The following AGO2 variants were observed in gnomAD, a reference collection of about 807,000 sequenced individuals.
AGO2 encodes the protein argonaute RISC catalytic component 2.
AGO2 carries 5 observed loss-of-function variants against 102.3 expected under a neutral mutation model. The ratio of observed to expected loss-of-function variants is 0.05; its 90% confidence interval spans 0.03 to 0.10. The LOEUF (loss-of-function observed/expected upper bound fraction) is 0.10, where lower values mean the gene tolerates loss of function less well. AGO2 is among the 10% of genes least tolerant of loss of function. The probability of loss-of-function intolerance (pLI) is 1.00; values close to 1 mark genes in which losing one functional copy is unlikely to be tolerated. For synonymous variants in AGO2, 449 were observed against 473.1 expected (o/e 0.95, Z 0.66); for missense variants, 541 against 1,183.7 (o/e 0.46, Z 7.97).
intron 2 of AGO2, among the ~76,000 whole-genome samples, chr8:140,582,445 G>A (rs1281164870): frequency 2.6e-5 from 4 of 152,002 alleles, no homozygotes; most frequent in African/African-American, 4.8e-5. Context: ...TAAGCGTAAC[G>A]GAAATATTCC....
intron 2 of AGO2, among the ~76,000 whole-genome samples, chr8:140,574,238 A>C (rs1004096039): frequency 4.0e-5 from 6 of 151,056 alleles, no homozygotes; most frequent in Non-Finnish European, 7.4e-5. Context: ...CCAGCTTGGC[A>C]TAGTACTCTC....
intron 1 of AGO2, 66 bp from the exon 2 acceptor site, chr8:140,585,377 G>C: frequency 1.3e-6 from 2 of 1,524,770 alleles, no homozygotes; most frequent in Non-Finnish European, 1.8e-6. Context: ...TTCCCATCCC[G>C]CGGCCCCAAG....
At chr8:140,600,349 T>A (rs1359620878) in intron 1 of AGO2, among the ~76,000 whole-genome samples, 2 of 152,230 alleles carry the variant, frequency 1.3e-5, no homozygotes, top group Non-Finnish European at 2.9e-5. Flanking sequence ...TTCAGACTCC[T>A]GCAGCACACG....
At chr8:140,629,970 T>A (rs1235354722) in intron 1 of AGO2, among the ~76,000 whole-genome samples, 1 of 151,306 alleles carries the variant, frequency 6.6e-6, no homozygotes, top group African/African-American at 2.4e-5. Context: ...CAGTTCCTGA[T>A]CCAACCCACA....
Position 140,615,092 on chromosome 8 carries a change from A to C in AGO2, c.22+20393T>G, listed in dbSNP as rs542288902. Among the ~76,000 whole-genome samples, 7 of 152,302 alleles carry C rather than the reference A, an allele frequency of 4.6e-5. No homozygotes were observed. In the South Asian group the frequency reaches 1.5e-3, roughly 32 times the overall value. On this transcript the variant is annotated intron_variant, in intron 1 of 18. Coordinates refer to ENST00000220592, the MANE Select transcript of AGO2 (RefSeq NM_012154.5). ...GCATTTAAAACGTTCCACTTTTGAA[A>C]TAAACAAAAGCAGGCTGGTGCAGTG...
chr8:140,615,572 T>C (rs2074131666), intron 1 of AGO2, among the ~76,000 whole-genome samples: 1 of 152,240 alleles, frequency 6.6e-6, no homozygotes, highest in African/African-American at 2.4e-5. Flanking sequence ...GGCCAGGAGC[T>C]GACACTTCAG....
intron 8 of AGO2, among the ~76,000 whole-genome samples, chr8:140,556,631 G>T (rs915123499): frequency 6.6e-6 from 1 of 152,162 alleles, no homozygotes; most frequent in Middle Eastern, 3.2e-3. Context: ...AGGTGCGAAA[G>T]ACGTCTACCT....
rs1030775038 is a variant in AGO2 at position 140,567,991 on chromosome 8, G to A, written c.336+4821C>T. Reference sequence around the variant, plus strand: ...AAGAAAATTAGTGGCGGGGCACAGTGGCTCACACCTGTAATCTCAGCACTT... The same window carrying A: ...AAGAAAATTAGTGGCGGGGCACAGTAGCTCACACCTGTAATCTCAGCACTT... On this transcript the variant is annotated intron_variant, in intron 3 of 18. Coordinates refer to ENST00000220592, the MANE Select transcript of AGO2 (RefSeq NM_012154.5). This position sits in a 1 kb window ranked among gnomAD's most constrained non-coding sequence, Gnocchi z 5.0. Among the ~76,000 whole-genome samples, 2 of 151,538 alleles carry A rather than the reference G, an allele frequency of 1.3e-5. No individual in the cohort carries two copies. The highest frequency in any genetic ancestry group is 2.9e-5 in the Non-Finnish European group (2 of 67,954).
chr8:140,618,654 C>A (rs2074174141), intron 1 of AGO2, among the ~76,000 whole-genome samples: 1 of 152,046 alleles, frequency 6.6e-6, no homozygotes, highest in African/African-American at 2.4e-5. Context: ...ATGGTGAAAA[C>A]CCGTCTCTAC....
upstream of AGO2, among the ~76,000 whole-genome samples, chr8:140,640,198 T>C (rs1051919563): frequency 6.6e-6 from 1 of 152,078 alleles, no homozygotes; most frequent in African/African-American, 2.4e-5. Context: ...TTAGTAGAGA[T>C]GGGGTTTCAT....
chr8:140,587,640 T>A (rs2073678764), intron 1 of AGO2, among the ~76,000 whole-genome samples: 1 of 152,232 alleles, frequency 6.6e-6, no homozygotes, highest in South Asian at 2.1e-4. Flanking sequence ...GGGCACTGGA[T>A]GCCCACCCTG....
rs1412864449 is a variant in AGO2 at position 140,525,348 on chromosome 8, C to T, written c.*6696G>A. On this transcript the variant is annotated 3_prime_UTR_variant, in exon 19 of 19. Coordinates refer to ENST00000220592, the MANE Select transcript of AGO2 (RefSeq NM_012154.5). ...GCTGTGCAGTGTCCCCTCGAAACAC[C>T]CTGGACCAGATTCTGACAGCCCAAG... The T allele has an allele frequency of 6.6e-6, 1 of 152,048 alleles. No homozygotes were observed. Among genetic ancestry groups the T allele is most frequent in the Non-Finnish European group, 1.5e-5 (1 of 68,046 alleles). The allele number at this position is 152,048 out of a possible 1,614,324, so 9.4% of individuals were successfully genotyped here. A position where few individuals can be genotyped will look rare whatever the true frequency, so the allele number is the denominator to read the frequency against.
chr8:140,535,348 T>A, intron 17 of AGO2, 120 bp downstream of exon 17: 44 of 936,966 alleles, frequency 4.7e-5, no homozygotes, highest in Admixed American at 6.2e-5. Flanking sequence ...TCCCTGGTAC[T>A]GCCTGTGTGG....
intron 14 of AGO2, among the ~76,000 whole-genome samples, chr8:140,543,433 A>T (rs1295974969): frequency 6.6e-6 from 1 of 152,186 alleles, no homozygotes; most frequent in Non-Finnish European, 1.5e-5. Context: ...TTCTCTCCCA[A>T]CTAATGAAAT....
At chr8:140,639,630 G>T (rs754431453), upstream of AGO2, among the ~76,000 whole-genome samples, 9 of 151,982 alleles carry the variant, frequency 5.9e-5, no homozygotes, top group Non-Finnish European at 1.3e-4. Context: ...AAAATTAGCT[G>T]AACATGGTGG....
chr8:140,595,839 GTATAT>G (rs2073825507), intron 1 of AGO2, among the ~76,000 whole-genome samples: 1 of 26,418 alleles, frequency 3.8e-5, no homozygotes, highest in Non-Finnish European at 6.9e-5. Context: ...ATATACAATT[GTATAT>G]ATTATATTTA....
chr8:140,526,201 G>A lies in AGO2; in HGVS notation c.*5843C>T, dbSNP rs917717655. 1 of 152,226 alleles carries A rather than the reference G, an allele frequency of 6.6e-6. No individual in the cohort carries two copies. Among genetic ancestry groups the A allele is most frequent in the Non-Finnish European group, 1.5e-5 (1 of 68,052 alleles). 9.4% of individuals were successfully genotyped at this position (152,226 alleles called of 1,614,324 possible). A position where few individuals can be genotyped will look rare whatever the true frequency, so the allele number is the denominator to read the frequency against. ...GTGATTTTACAGAGTGTATAAAAGA[G>A]AGGAGAGGACAGAGGAGGCCATTTT... On this transcript the variant is annotated 3_prime_UTR_variant, in exon 19 of 19. Transcript: ENST00000220592. This position sits in a 1 kb window ranked among gnomAD's most constrained non-coding sequence, Gnocchi z 5.2.
intron 1 of AGO2, among the ~76,000 whole-genome samples, chr8:140,595,679 T>C (rs1368734956): frequency 3.0e-5 from 4 of 134,674 alleles, no homozygotes; most frequent in African/African-American, 1.1e-4. Flanking sequence ...ATATATAGCC[T>C]GGCATATAAA....
intron 4 of AGO2, 42 bp downstream of exon 4, chr8:140,562,411 G>T: frequency 1.3e-6 from 2 of 1,581,252 alleles, no homozygotes; most frequent in Middle Eastern, 2.3e-4. Context: ...CCTCGGAGCT[G>T]CAGGGGAGTC....
Sources: allele counts gnomAD v4.1 joint callset (sites outside exome capture counted in the v4.1 genomes callset), GRCh38; gene constraint gnomAD v4.1.1; non-coding constraint Gnocchi (gnomAD v3.1); transcripts MANE v1.5; gene names NCBI Gene and HGNC (gene_info 2026-07-23, HGNC 2026-07-21).